Variants in LAMC2 observed in about 807,000 individuals in gnomAD.
LAMC2 encodes laminin subunit gamma 2.
LAMC2 carries 97 observed loss-of-function variants against 140.2 expected under a neutral mutation model. The ratio of observed to expected loss-of-function variants is 0.69; its 90% CI spans 0.59 to 0.82. The LOEUF (loss-of-function observed/expected upper bound fraction) is 0.82. Ranked by LOEUF, LAMC2 falls within the 40% of genes least tolerant of loss-of-function variation. The pLI, the probability that LAMC2 is intolerant of heterozygous loss-of-function variation, is 0.00. For missense variants in LAMC2, 1,402 were observed against 1,476.1 expected, an observed-to-expected ratio of 0.95 and a Z score of 0.82; for synonymous variants, 513 against 540.2, an observed-to-expected ratio of 0.95 and a Z score of 0.70.
intron 22 of LAMC2, chr1:183,240,642 A>G: frequency 7.1e-7 from 1 of 1,401,550 alleles, no homozygotes; most frequent in Non-Finnish European, 9.3e-7. Flanking sequence ...GGGCCAAAGA[A>G]CAGGTGTATA....
chr1:183,243,066 T>C (rs569798139), intron 22 of LAMC2, 81 bp from the exon 23 acceptor site: 174 of 1,481,936 alleles, frequency 1.2e-4, no homozygotes, highest in Non-Finnish European at 1.6e-4. Context: ...GAATTAGTTA[T>C]GGGTATAGAA....
chr1:183,225,625 G>C lies in LAMC2; in HGVS notation c.971G>C (p.Ser324Thr), dbSNP rs771464510. ...TYTFRLNEHP[S>T]NNWSPQLSYF... ...TTATGCAGGTTAAATGAGCATCCAA[G>C]CAATAATTGGAGCCCCCAGCTGAGT... The change falls in exon 8 of 23, where the codon AGC becomes ACC. Residue 324 changes from serine to threonine, a missense_variant. Around this residue, in one of 3 missense-constraint regions of LAMC2, gnomAD observed 723 missense variants for 783.3 expected, o/e 0.92. Transcript: ENST00000264144. 1.2e-6 allele frequency: 2 copies of C among 1,613,000 alleles called. No homozygotes were observed. Among genetic ancestry groups the C allele is most frequent in the African/African-American group, 2.7e-5 (2 of 74,910 alleles).
intron 1 of LAMC2, among the ~76,000 whole-genome samples, chr1:183,193,629 G>C (rs879392576): frequency 6.6e-6 from 1 of 152,174 alleles, no homozygotes; most frequent in Non-Finnish European, 1.5e-5. Flanking sequence ...GCCTACTTTG[G>C]GAAGGCAGTT....
intron 7 of LAMC2, 73 bp from the exon 8 acceptor site, chr1:183,225,535 C>A: frequency 9.5e-7 from 1 of 1,056,528 alleles, no homozygotes; most frequent in Non-Finnish European, 1.5e-6. Context: ...CCCGTATCCT[C>A]AGGCATAATT....
chr1:183,249,694 TG>T (rs1447939717), downstream of LAMC2: 12 of 137,930 alleles, frequency 8.7e-5, no homozygotes, highest in African/African-American at 1.4e-4. Flanking sequence ...TGTGTGTGTG[TG>T]TGTGTGTGTG....
the LAMC2 span, chr1:183,252,536 G>A: frequency 1.2e-6 from 1 of 858,414 alleles, no homozygotes; most frequent in Non-Finnish European, 2.0e-6. Context: ...TCAGCAAGTA[G>A]GGAAAACAGT....
chr1:183,240,778 C>A, intron 22 of LAMC2: 1 of 841,306 alleles, frequency 1.2e-6, no homozygotes, highest in Non-Finnish European at 1.5e-6. Flanking sequence ...TCAGAAAGAT[C>A]ACTAGGGCAG....
rs1389963933 is a variant in LAMC2, at chr1:183,230,995, A to G, written c.1749A>G (p.Val583=). The change falls in exon 12 of 23, where the codon GTA becomes GTG. Residue 583 remains valine (V), a synonymous_variant. Transcript: ENST00000264144. ...GTAACCCCATGGGCTCAGAGCCTGT[A>G]GGATGTCGAAGTGATGGCACCTGTG... ...CNCNPMGSEP[V]GCRSDGTCVC... 6.2e-7 allele frequency: 1 copy of G among 1,614,136 alleles called. No individual in the cohort carries two copies. Among genetic ancestry groups the G allele is most frequent in the East Asian group, 2.2e-5 (1 of 44,884 alleles).
At chr1:183,240,436 G>C in intron 22 of LAMC2, 45 bp downstream of exon 22, 1 of 1,611,288 alleles carries the variant, frequency 6.2e-7, no homozygotes, top group Non-Finnish European at 8.5e-7. Flanking sequence ...CATGCTCCAG[G>C]GCTTTGCTCC....
intron 8 of LAMC2, 131 bp from the exon 9 acceptor site, chr1:183,226,567 T>C (rs987175185): frequency 5.0e-6 from 4 of 805,200 alleles, no homozygotes. Flanking sequence ...CATACCTCTC[T>C]ACATGGCATG....
chr1:183,197,860 C>T (rs1030901029), intron 1 of LAMC2, among the ~76,000 whole-genome samples: 2 of 151,934 alleles, frequency 1.3e-5, no homozygotes, highest in Non-Finnish European at 2.9e-5. Context: ...CAGACTGAGA[C>T]GTTGTGGAGA....
At chr1:183,202,777 T>C (rs1658751069) in intron 1 of LAMC2, among the ~76,000 whole-genome samples, 1 of 152,320 alleles carries the variant, frequency 6.6e-6, no homozygotes, top group Non-Finnish European at 1.5e-5. Context: ...ATTACTTATT[T>C]ATCTTGTTTA....
At chr1:183,238,194 C>T in intron 18 of LAMC2, 113 bp from the exon 19 acceptor site, 3 of 789,892 alleles carry the variant, frequency 3.8e-6, no homozygotes, top group Non-Finnish European at 6.5e-6. Flanking sequence ...TACAGCACCC[C>T]TAGACTCTGC....
At chr1:183,257,646 T>G in the LAMC2 span, among the ~76,000 whole-genome samples, 1 of 152,194 alleles carries the variant, frequency 6.6e-6, no homozygotes, top group Non-Finnish European at 1.5e-5. Flanking sequence ...GGTTACCAAA[T>G]TTGTTTGCAT....
rs993033416 is a variant in LAMC2 at position 183,236,682 on chromosome 1, T to G, written c.2601+78T>G. ...CTTTTCTGGGGGTGCCATAATATTG[T>G]TCAAACATTCAGCTTTTTCTCCATG... On this transcript the variant is annotated intron_variant, in intron 17 of 22. Coordinates refer to ENST00000264144, the MANE Select transcript of LAMC2 (RefSeq NM_005562.3). The G allele has an allele frequency of 7.3e-6, 11 of 1,515,020 alleles. No homozygotes were observed. The African/African-American group carries it at 1.2e-4, about 17-fold the overall frequency. The allele number at this position is 1,515,020 out of a possible 1,614,324, so 93.8% of individuals were successfully genotyped here. A position where few individuals can be genotyped will look rare whatever the true frequency, so the allele number is the denominator to read the frequency against.
intron 1 of LAMC2, among the ~76,000 whole-genome samples, chr1:183,188,760 GGT>G (rs1426329144): frequency 6.6e-6 from 1 of 152,208 alleles, no homozygotes; most frequent in Non-Finnish European, 1.5e-5. Context: ...AGGATTGCCT[GGT>G]GTGAGATAAA....
At chr1:183,197,654 C>T (rs979082124) in intron 1 of LAMC2, among the ~76,000 whole-genome samples, 4 of 145,826 alleles carry the variant, frequency 2.7e-5, no homozygotes, top group East Asian at 4.0e-4. Flanking sequence ...CCAGTCTGGG[C>T]GACAGAGCGA....
chr1:183,235,141 C>A (rs1659913743), intron 15 of LAMC2, among the ~76,000 whole-genome samples: 1 of 152,052 alleles, frequency 6.6e-6, no homozygotes, highest in East Asian at 1.9e-4. Context: ...CCAAAAGTAT[C>A]CAGGGAATTT....
intron 1 of LAMC2, among the ~76,000 whole-genome samples, chr1:183,204,550 T>A (rs1295265034): frequency 6.6e-6 from 1 of 151,862 alleles, no homozygotes; most frequent in East Asian, 1.9e-4. Flanking sequence ...GAGAATCGCT[T>A]GAGCCCAGGA....
Sources: allele counts gnomAD v4.1 joint callset (sites outside exome capture counted in the v4.1 genomes callset), GRCh38; gene constraint gnomAD v4.1.1; regional missense constraint gnomAD v4.1.1; transcripts MANE v1.5; gene names NCBI Gene and HGNC (gene_info 2026-07-23, HGNC 2026-07-21).